Variants in AGMO observed in about 807,000 individuals in gnomAD.
AGMO encodes glyceryl-ether monooxygenase.
AGMO carries 75 observed loss-of-function variants against 60.2 expected under a neutral mutation model. The ratio of observed to expected loss-of-function variants is 1.25; its 90% confidence interval spans 1.03 to 1.51. AGMO has a LOEUF of 1.51. Ranked by LOEUF, AGMO falls within the 40% of genes most tolerant of loss-of-function variation. The probability of loss-of-function intolerance (pLI) is 0.00; values close to 1 mark genes in which losing one functional copy is unlikely to be tolerated. For missense variants in AGMO, 763 were observed against 525.5 expected (o/e 1.45, Z -4.42); for synonymous variants, 261 against 177.1 (o/e 1.47, Z -3.76).
At chr7:15,457,587 A>AGCTTGCCATGGTAAATAATACT (rs1359229814) in intron 3 of AGMO, among the ~76,000 whole-genome samples, 1 of 152,204 alleles carries the variant, frequency 6.6e-6, no homozygotes, top group Non-Finnish European at 1.5e-5. Context: ...ACAGCAAATT[A>AGCTTGCCATGGTAAATAATACT]GCTTGCCATG....
intron 10 of AGMO, among the ~76,000 whole-genome samples, chr7:15,369,993 G>A (rs1442804359): frequency 6.6e-6 from 1 of 152,056 alleles, no homozygotes; most frequent in Admixed American, 6.6e-5. Context: ...GTTTGAGATA[G>A]GAATGATCCT....
intron 12 of AGMO, among the ~76,000 whole-genome samples, chr7:15,261,835 G>T (rs540703393): frequency 9.7e-4 from 147 of 151,966 alleles, no homozygotes; most frequent in Admixed American, 2.6e-3. Context: ...AGGGATGAAG[G>T]GATGATTTGA....
chr7:15,245,096 G>C (rs544067881), intron 12 of AGMO, among the ~76,000 whole-genome samples: 1 of 152,134 alleles, frequency 6.6e-6, no homozygotes, highest in African/African-American at 2.4e-5. Flanking sequence ...TGGACTATCA[G>C]GATAAGAATG....
chr7:15,136,519 C>T, the AGMO span, among the ~76,000 whole-genome samples: 6 of 151,922 alleles, frequency 3.9e-5, no homozygotes, highest in African/African-American at 1.5e-4. Flanking sequence ...GGAGCATTTA[C>T]ATTATTACTA....
Position 15,442,872 on chromosome 7 carries a change from G to A in AGMO, c.410-11764C>T, listed in dbSNP as rs117467531. Among the ~76,000 whole-genome samples, 509 of 152,202 alleles carry A rather than the reference G, an allele frequency of 3.3e-3. 1 individual carries two copies. Among genetic ancestry groups the A allele is most frequent in the East Asian group, 5.1e-3 (26 of 5,138 alleles). On this transcript the variant is annotated intron_variant, in intron 3 of 12. Coordinates refer to ENST00000342526, the MANE Select transcript of AGMO (RefSeq NM_001004320.2). ...CACACAAGTGGAAGAAGACACAAGC[G>A]GCTGGACGTCAAGAGGAAGGCACTG... is the stretch of plus-strand genomic sequence containing the variant.
At chr7:15,315,545 T>C (rs1175136745) in intron 12 of AGMO, among the ~76,000 whole-genome samples, 3 of 151,778 alleles carry the variant, frequency 2.0e-5, no homozygotes, top group Admixed American at 2.0e-4. Flanking sequence ...ACCATGTTGG[T>C]CAGGATGGTC....
At chr7:15,183,646 A>G in the AGMO span, among the ~76,000 whole-genome samples, 1 of 152,170 alleles carries the variant, frequency 6.6e-6, no homozygotes, top group African/African-American at 2.4e-5. Context: ...TGTAAGTCTC[A>G]GTTTCCTCAA....
intron 12 of AGMO, among the ~76,000 whole-genome samples, chr7:15,340,084 T>C (rs1781793755): frequency 6.6e-6 from 1 of 152,188 alleles, no homozygotes; most frequent in Admixed American, 6.5e-5. Flanking sequence ...TTTTTGGATT[T>C]GGAATATCTG....
At chr7:15,386,946 TG>T (rs1425880983) in intron 9 of AGMO, among the ~76,000 whole-genome samples, 1 of 152,204 alleles carries the variant, frequency 6.6e-6, no homozygotes, top group Non-Finnish European at 1.5e-5. Context: ...AATATAGTTA[TG>T]GTTTGACCCA....
At chr7:15,200,130 T>G (rs1781237382), downstream of AGMO, among the ~76,000 whole-genome samples, 1 of 151,982 alleles carries the variant, frequency 6.6e-6, no homozygotes, top group South Asian at 2.1e-4. Flanking sequence ...AATTATTAAA[T>G]TTTATTATTA....
chr7:15,508,873 A>G (rs1044086614), intron 3 of AGMO, among the ~76,000 whole-genome samples: 20 of 152,220 alleles, frequency 1.3e-4, no homozygotes, highest in Non-Finnish European at 8.8e-5. Context: ...CATTCCATTC[A>G]GGTGAATGTA....
At chr7:15,411,499 T>C (rs969551258) in intron 5 of AGMO, among the ~76,000 whole-genome samples, 1 of 152,076 alleles carries the variant, frequency 6.6e-6, no homozygotes, top group African/African-American at 2.4e-5. Context: ...AATGATTTAC[T>C]TATTTGTAAT....
chr7:15,370,590 G>A (rs1000407079), intron 10 of AGMO, among the ~76,000 whole-genome samples: 4 of 152,102 alleles, frequency 2.6e-5, no homozygotes, highest in Non-Finnish European at 1.5e-5. Flanking sequence ...ATTCTTACTG[G>A]TGTGAAACAG....
chr7:15,553,534 C>G (rs989822432), intron 2 of AGMO, among the ~76,000 whole-genome samples: 1 of 151,758 alleles, frequency 6.6e-6, no homozygotes, highest in Non-Finnish European at 1.5e-5. Context: ...GACACAAGAA[C>G]ACACTATTAA....
chr7:15,459,098 A>T (rs1782069107), intron 3 of AGMO, among the ~76,000 whole-genome samples: 1 of 152,152 alleles, frequency 6.6e-6, no homozygotes, highest in Non-Finnish European at 1.5e-5. Flanking sequence ...TATCACAAAC[A>T]TTTAAGAAGT....
intron 3 of AGMO, among the ~76,000 whole-genome samples, chr7:15,468,292 ACCAGACACTGGTACC>A (rs1782346078): frequency 6.6e-6 from 1 of 152,162 alleles, no homozygotes. Flanking sequence ...TGATGACAAT[ACCAGACACTGGTACC>A]AAGATTACTA....
chr7:15,277,520 C>A (rs545809547), intron 12 of AGMO, among the ~76,000 whole-genome samples: 1 of 148,026 alleles, frequency 6.8e-6, no homozygotes, highest in Non-Finnish European at 1.5e-5. Flanking sequence ...GATTTGTTTT[C>A]ATTTGGATTG....
At chr7:15,553,625 A>G (rs533487996) in intron 2 of AGMO, among the ~76,000 whole-genome samples, 276 of 152,160 alleles carry the variant, frequency 1.8e-3, no homozygotes, top group African/African-American at 6.5e-3. Flanking sequence ...TTTCTTGTCA[A>G]CTCCAGTGAA....
intron 10 of AGMO, among the ~76,000 whole-genome samples, chr7:15,367,046 C>T (rs1013555497): frequency 2.6e-5 from 4 of 151,880 alleles, no homozygotes; most frequent in Non-Finnish European, 1.5e-5. Flanking sequence ...GTTTAAAATT[C>T]TTTACATTCT....
Sources: allele counts gnomAD v4.1 joint callset (sites outside exome capture counted in the v4.1 genomes callset), GRCh38; gene constraint gnomAD v4.1.1; transcripts MANE v1.5; gene names NCBI Gene and HGNC (gene_info 2026-07-23, HGNC 2026-07-21).